NUP153: variants seen among roughly 807,000 people sequenced by gnomAD.
The protein encoded by NUP153 is nucleoporin 153.
In NUP153, 27 loss-of-function variants were observed where a neutral mutation model predicts 134.6. The observed-to-expected ratio is 0.20, with a 90% confidence interval of 0.15 to 0.28. The LOEUF (loss-of-function observed/expected upper bound fraction) is 0.28. Ranked by LOEUF, NUP153 falls within the 10% of genes least tolerant of loss-of-function variation. The probability of loss-of-function intolerance (pLI) is 1.00; values close to 1 mark genes in which losing one functional copy is unlikely to be tolerated. For synonymous variants in NUP153, 640 were observed against 623.5 expected, an observed-to-expected ratio of 1.03 and a Z score of -0.40; for missense variants, 1,821 against 1,731.3, an observed-to-expected ratio of 1.05 and a Z score of -0.92.
At chr6:17,697,193 G>A (rs922047323) in intron 1 of NUP153, among the ~76,000 whole-genome samples, 2 of 152,118 alleles carry the variant, frequency 1.3e-5, no homozygotes, top group Non-Finnish European at 2.9e-5. Flanking sequence ...ATGTGAACTG[G>A]CTAAATCCAC....
At chr6:17,644,748 G>C (rs1445442379) in intron 14 of NUP153, among the ~76,000 whole-genome samples, 1 of 152,110 alleles carries the variant, frequency 6.6e-6, no homozygotes, top group Non-Finnish European at 1.5e-5. Context: ...TTCCTGACCA[G>C]CCTGGCCAAA....
Position 17,637,577 on chromosome 6 carries a change from G to A in NUP153, c.2040C>T (p.Ala680=). The change falls in exon 16 of 22, where the codon GCC becomes GCT. Residue 680 remains alanine (A), a synonymous_variant. Transcript: ENST00000262077. ...QNKVTDNKCI[A]CQAAKLSPRD... ...TGGGTGACAATTTTGCTGCTTGACAGGCTATGCATTTGTTGTCTGTAACTT... is the reference window on the plus strand; with the variant it reads ...TGGGTGACAATTTTGCTGCTTGACAAGCTATGCATTTGTTGTCTGTAACTT... 3 of 1,614,120 alleles carry A rather than the reference G, an allele frequency of 1.9e-6. No homozygotes were observed. Among genetic ancestry groups the A allele is most frequent in the Non-Finnish European group, 2.5e-6 (3 of 1,180,032 alleles).
chr6:17,698,737 CA>C (rs57961707), intron 1 of NUP153, among the ~76,000 whole-genome samples: 26,599 of 80,000 alleles, frequency 0.33, 2,329 homozygotes, highest in African/African-American at 0.39. Flanking sequence ...GACTCTGTCT[CA>C]AAAAAAAAAA....
chr6:17,683,326 T>C (rs1304367037), intron 2 of NUP153, among the ~76,000 whole-genome samples: 1 of 152,200 alleles, frequency 6.6e-6, no homozygotes, highest in Non-Finnish European at 1.5e-5. Flanking sequence ...CTATGATAGC[T>C]ATAGCCATAT....
intron 14 of NUP153, among the ~76,000 whole-genome samples, chr6:17,645,195 A>C (rs1390752617): frequency 1.3e-5 from 2 of 149,776 alleles, no homozygotes; most frequent in Non-Finnish European, 3.0e-5. Context: ...GTGAGCCAAG[A>C]CCGTGCCATT....
At chr6:17,653,756 G>A (rs1156870010) in intron 11 of NUP153, among the ~76,000 whole-genome samples, 2 of 152,148 alleles carry the variant, frequency 1.3e-5, no homozygotes, top group Non-Finnish European at 1.5e-5. Context: ...TGACTGAGAA[G>A]GAGGACAACT....
At chr6:17,632,865 G>A (rs766713023) in intron 16 of NUP153, 21 bp from the exon 17 acceptor site, 115 of 826,886 alleles carry the variant, frequency 1.4e-4, no homozygotes, top group Non-Finnish European at 1.7e-4. Flanking sequence ...AAAAAAAAAC[G>A]GGGAGTGGGG....
In NUP153 at chr6:17,626,107, C is replaced by A. The variant is rs1764936211; in HGVS notation, c.3602G>T (p.Ser1201Ile). 1.2e-6 allele frequency: 2 copies of A among 1,613,646 alleles called. No homozygotes were observed. Among genetic ancestry groups the A allele is most frequent in the East Asian group, 4.5e-5 (2 of 44,878 alleles). Residue 1201 changes from serine to isoleucine, a missense_variant, in exon 19 of 22, where the codon AGT (serine) becomes ATT (isoleucine). Transcript: ENST00000262077. ...SFLNNSSSSS[S>I]TPATSAGGGI... ...ACCACCAGCAGAAGTGGCTGGTGTA[C>A]TTGAACTAGAGGAACTGTTGTTCAA...
At chr6:17,685,316 G>A (rs760878651) in intron 2 of NUP153, among the ~76,000 whole-genome samples, 55 of 152,138 alleles carry the variant, frequency 3.6e-4, no homozygotes, top group Non-Finnish European at 5.6e-4. Flanking sequence ...GGGAGGCTGA[G>A]GAAGGTGGAT....
intron 1 of NUP153, among the ~76,000 whole-genome samples, chr6:17,701,831 T>TTGGGG (rs1180643494): frequency 2.7e-4 from 4 of 15,054 alleles, no homozygotes; most frequent in Non-Finnish European, 7.4e-4. Flanking sequence ...AGACTCTGTC[T>TTGGGG]CGGGGGGGGG....
chr6:17,645,624 G>C (rs1001613169), intron 14 of NUP153, among the ~76,000 whole-genome samples: 1 of 150,402 alleles, frequency 6.6e-6, no homozygotes, highest in African/African-American at 2.4e-5. Flanking sequence ...TGATTTCTTC[G>C]GTTCAGAAAT....
rs1342743774 is a variant in NUP153 at position 17,637,622 on chromosome 6, A to G, written c.1995T>C (p.Asp665=). ...SLKAGSSWQC[D]TCLLQNKVTD... ...TAACTTTGTTCTGGAGTAGACATGT[A>G]TCACACTGCCATGATGACCCAGCTT... The change falls in exon 16 of 22, where the codon GAT becomes GAC. Residue 665 remains aspartate (D), a synonymous_variant. Transcript: ENST00000262077. 1.9e-6 allele frequency: 3 copies of G among 1,614,100 alleles called. No homozygotes were observed. Among genetic ancestry groups the G allele is most frequent in the East Asian group, 4.5e-5 (2 of 44,882 alleles).
chr6:17,629,711 A>C (rs1357592855), intron 17 of NUP153, among the ~76,000 whole-genome samples, 172 bp from the exon 18 acceptor site: 2 of 152,250 alleles, frequency 1.3e-5, no homozygotes, highest in Non-Finnish European at 2.9e-5. Context: ...TTTAGTCGGT[A>C]TGAGAATGAT....
Position 17,675,392 on chromosome 6 carries a change from T to C in NUP153, c.584-24A>G, listed in dbSNP as rs546068668. The C allele has an allele frequency of 7.5e-6, 12 of 1,608,686 alleles. No homozygotes were observed. The highest frequency in any genetic ancestry group is 1.7e-4 in the Middle Eastern group (1 of 6,048). ...ATCTGAAACAAAATTACATAATCCA[T>C]AGTAATAACACCAATACAAGAGCCT... On this transcript the variant is annotated intron_variant, in intron 3 of 21. Coordinates refer to ENST00000262077, the MANE Select transcript of NUP153 (RefSeq NM_005124.4). This position sits in a 1 kb window ranked among gnomAD's most constrained non-coding sequence, Gnocchi z 4.4.
intron 8 of NUP153, among the ~76,000 whole-genome samples, chr6:17,665,653 C>T (rs1300717007): frequency 1.3e-5 from 2 of 152,036 alleles, no homozygotes; most frequent in African/African-American, 2.4e-5. Context: ...TGACTTTTCA[C>T]ACACATGCAT....
chr6:17,652,103 A>G (rs139138885), intron 11 of NUP153, among the ~76,000 whole-genome samples: 6 of 152,248 alleles, frequency 3.9e-5, no homozygotes, highest in Middle Eastern at 3.4e-3. Flanking sequence ...TCACCAAATA[A>G]AAGTTGGCAA....
At chr6:17,665,556 TG>T (rs1477320237) in intron 8 of NUP153, among the ~76,000 whole-genome samples, 171 bp from the exon 9 acceptor site, 1 of 152,212 alleles carries the variant, frequency 6.6e-6, no homozygotes, top group Non-Finnish European at 1.5e-5. Flanking sequence ...ACCTAAGGTA[TG>T]TATTCATATA....
At chr6:17,701,836 G>GGGA (rs1554148697) in intron 1 of NUP153, among the ~76,000 whole-genome samples, 1 of 106,412 alleles carries the variant, frequency 9.4e-6, no homozygotes, top group Non-Finnish European at 2.0e-5. Flanking sequence ...CTGTCTCGGG[G>GGGA]GGGGGGGGAA....
In NUP153 at chr6:17,649,176, G is replaced by A. The variant is rs1436565115; in HGVS notation, c.1520C>T (p.Ala507Val). 6.2e-7 allele frequency: 1 copy of A among 1,613,144 alleles called. No individual in the cohort carries two copies. The highest frequency in any genetic ancestry group is 1.1e-5 in the South Asian group (1 of 90,936). Reference sequence around the variant, plus strand: ...ATGGTTTTGTACCTTGTTTGTTAATGCTTGAGACGAATTGATGGGTGATGG... The same window carrying A: ...ATGGTTTTGTACCTTGTTTGTTAATACTTGAGACGAATTGATGGGTGATGG... ...SSPSPINSSQ[A>V]LTNKVQMTSP... The change falls in exon 12 of 22, where the codon GCA becomes GTA. Residue 507 changes from alanine to valine, a missense_variant. By Grantham distance (64) the Ala-to-Val change is moderately conservative. Coordinates refer to ENST00000262077, the MANE Select transcript of NUP153 (RefSeq NM_005124.4).
Sources: allele counts gnomAD v4.1 joint callset (sites outside exome capture counted in the v4.1 genomes callset), GRCh38; gene constraint gnomAD v4.1.1; non-coding constraint Gnocchi (gnomAD v3.1); transcripts MANE v1.5; gene names NCBI Gene and HGNC (gene_info 2026-07-23, HGNC 2026-07-21).